The following KATNIP variants were observed in gnomAD, a reference collection of about 807,000 sequenced individuals.
The protein encoded by KATNIP is katanin interacting protein, also known as katanin-interacting protein.
KATNIP carries 126 observed loss-of-function variants against 174.0 expected under a neutral mutation model. That is an observed-to-expected ratio of 0.72 (90% confidence interval 0.63 to 0.84). The LOEUF is 0.84. KATNIP is among the 40% of genes least tolerant of loss of function. The probability of loss-of-function intolerance (pLI) is 0.00; values close to 1 mark genes in which losing one functional copy is unlikely to be tolerated. For missense variants in KATNIP, 1,958 were observed against 2,109.7 expected (o/e 0.93, Z 1.41); for synonymous variants, 810 against 835.7 (o/e 0.97, Z 0.53).
Position 27,663,934 on chromosome 16 carries a change from G to A in KATNIP, c.541-13795G>A, listed in dbSNP as rs142304821. ...CAAGTGATGCTCCTGCCTCAACCTC[G>A]CAAGCCGCTGGGACTACAGGCATGC... On this transcript the variant is annotated intron_variant, in intron 6 of 27. Transcript: ENST00000261588. 3.4e-3 allele frequency among the ~76,000 whole-genome samples: 517 copies of A among 151,018 alleles called. 1 individual carries two copies. The highest frequency in any genetic ancestry group is 0.022 in the Middle Eastern group (6 of 276).
At chr16:27,765,163 A>G in intron 19 of KATNIP, among the ~76,000 whole-genome samples, 1 of 152,220 alleles carries the variant, frequency 6.6e-6, no homozygotes, top group East Asian at 1.9e-4. Context: ...GTTGCTCAAA[A>G]GGCTGCCAGC....
chr16:27,569,786 T>A (rs542312112), intron 1 of KATNIP, among the ~76,000 whole-genome samples: 15 of 152,376 alleles, frequency 9.8e-5, no homozygotes, highest in African/African-American at 3.6e-4. Context: ...TAATAAATGC[T>A]CTTAATTGAG....
chr16:27,578,413 A>G (rs1567455088), intron 2 of KATNIP, among the ~76,000 whole-genome samples: 1 of 152,144 alleles, frequency 6.6e-6, no homozygotes, highest in African/African-American at 2.4e-5. Flanking sequence ...CTCTGGCCCT[A>G]AAGGCACTTC....
intron 2 of KATNIP, among the ~76,000 whole-genome samples, chr16:27,589,883 C>T (rs1331669568): frequency 6.6e-6 from 1 of 151,990 alleles, no homozygotes; most frequent in Non-Finnish European, 1.5e-5. Flanking sequence ...ACCTTTGCCT[C>T]CCTCCTGCCT....
chr16:27,721,412 G>A (rs898316311), intron 13 of KATNIP, 146 bp from the exon 14 acceptor site: 2 of 886,016 alleles, frequency 2.3e-6, no homozygotes, highest in African/African-American at 1.7e-5. Context: ...CCCAGCCTGG[G>A]TGATGGCAAC....
At chr16:27,610,732 GC>G (rs896149203) in intron 2 of KATNIP, among the ~76,000 whole-genome samples, 124 of 152,236 alleles carry the variant, frequency 8.1e-4, no homozygotes, top group African/African-American at 2.9e-3. Flanking sequence ...AAATCTTGAT[GC>G]CCCCAAATCA....
At chr16:27,688,039 T>A (rs1306653857) in intron 8 of KATNIP, among the ~76,000 whole-genome samples, 1 of 152,234 alleles carries the variant, frequency 6.6e-6, no homozygotes, top group Non-Finnish European at 1.5e-5. Context: ...GGTGCTCAGA[T>A]GGTCTCTCGG....
intron 19 of KATNIP, among the ~76,000 whole-genome samples, chr16:27,765,080 A>G (rs1297682193): frequency 1.3e-5 from 2 of 152,132 alleles, no homozygotes; most frequent in Non-Finnish European, 1.5e-5. Context: ...TTCTCCCAGT[A>G]CAGCAGCTGT....
intron 20 of KATNIP, among the ~76,000 whole-genome samples, chr16:27,767,094 C>G (rs964009995): frequency 2.6e-5 from 4 of 152,072 alleles, no homozygotes; most frequent in Non-Finnish European, 4.4e-5. Flanking sequence ...GCTTTTCTGG[C>G]CTCAGGTGAC....
intron 6 of KATNIP, among the ~76,000 whole-genome samples, chr16:27,670,666 A>G (rs925801431): frequency 2.6e-5 from 4 of 152,036 alleles, no homozygotes; most frequent in African/African-American, 9.7e-5. Context: ...CCAGGGATAG[A>G]GATGATTTTT....
Position 27,697,971 on chromosome 16 carries a change from G to T in KATNIP, c.941-357G>T, listed in dbSNP as rs944358875. 8.5e-5 allele frequency among the ~76,000 whole-genome samples: 13 copies of T among 152,166 alleles called. No homozygotes were observed. The East Asian group carries it at 2.5e-3, about 29-fold the overall frequency. ...CTATATATATCTCCTAAAAACAAGG[G>T]CATTCATTTTACATAACCACAGTAC... is the stretch of plus-strand genomic sequence containing the variant. On this transcript the variant is annotated intron_variant, in intron 8 of 27. Transcript: ENST00000261588.
In KATNIP at chr16:27,662,049, C is replaced by T. The variant is rs71377611; in HGVS notation, c.540+13314C>T. ...ATATATATATATATATATACACATA[C>T]ATATATATATATATATATATATACA... On this transcript the variant is annotated intron_variant, in intron 6 of 27. Coordinates refer to ENST00000261588, the MANE Select transcript of KATNIP (RefSeq NM_015202.5). 5.1e-3 allele frequency among the ~76,000 whole-genome samples: 44 copies of T among 8,600 alleles called. 2 individuals carry two copies. Among genetic ancestry groups the T allele is most frequent in the Middle Eastern group, 0.062 (1 of 16 alleles). 5.6% of individuals were successfully genotyped at this position (8,600 alleles called of 152,430 possible).
Position 27,750,244 on chromosome 16 carries a change from TGTTAGACACCCAGTGCA to T in KATNIP, c.3285_3301del (p.Asp1097Ter). On this transcript the variant is annotated frameshift_variant, in exon 16 of 28. Coordinates refer to ENST00000261588, the MANE Select transcript of KATNIP (RefSeq NM_015202.5). LOFTEE classifies it high-confidence loss of function. ...CGAGGCGTGAAGGACATCACAATGC[TGTTAGACACCCAGTGCA>T]TCTTTGAAGGAGAAATCGCCAAGGC... 1.2e-6 allele frequency: 2 copies of T among 1,614,112 alleles called. No individual in the cohort carries two copies. The highest frequency in any genetic ancestry group is 1.7e-6 in the Non-Finnish European group (2 of 1,180,004).
chr16:27,658,680 TA>T (rs1310315845), intron 6 of KATNIP, among the ~76,000 whole-genome samples: 4 of 152,096 alleles, frequency 2.6e-5, no homozygotes, highest in Non-Finnish European at 5.9e-5. Flanking sequence ...CGATGTCCCT[TA>T]AAAAAATAAC....
intron 19 of KATNIP, among the ~76,000 whole-genome samples, chr16:27,763,635 AAAAG>A (rs1173136140): frequency 1.7e-3 from 254 of 151,234 alleles, no homozygotes; most frequent in Non-Finnish European, 2.8e-3. Flanking sequence ...AAAAAAAAAA[AAAAG>A]AAAGAAAGAA....
intron 5 of KATNIP, among the ~76,000 whole-genome samples, chr16:27,636,961 T>G (rs1355546975): frequency 6.6e-6 from 1 of 152,240 alleles, no homozygotes; most frequent in East Asian, 1.9e-4. Context: ...CCTGGAACCT[T>G]CCAGCAGCCC....
intron 8 of KATNIP, 70 bp from the exon 9 acceptor site, chr16:27,698,258 G>A: frequency 6.9e-7 from 1 of 1,443,194 alleles, no homozygotes; most frequent in Non-Finnish European, 9.4e-7. Context: ...CTCAATTGGG[G>A]TCTAATGGGT....
intron 6 of KATNIP, among the ~76,000 whole-genome samples, chr16:27,664,588 T>G (rs1354118948): frequency 6.6e-6 from 1 of 152,214 alleles, no homozygotes; most frequent in African/African-American, 2.4e-5. Flanking sequence ...ACTCTCATAC[T>G]CATTAGCAAA....
At chr16:27,561,275 G>A (rs1030243775) in intron 1 of KATNIP, among the ~76,000 whole-genome samples, 11 of 151,296 alleles carry the variant, frequency 7.3e-5, no homozygotes, top group Admixed American at 4.0e-4. Flanking sequence ...CACCTGCATC[G>A]GCCTCCCAAA....
Sources: gnomAD v4.1 joint callset for allele counts (sites outside exome capture counted in the v4.1 genomes callset) on GRCh38, gnomAD v4.1.1 for gene constraint, MANE v1.5 for transcripts, NCBI Gene and HGNC (gene_info 2026-07-23, HGNC 2026-07-21) for gene names.